The following ARHGAP10 variants were observed in gnomAD, a reference collection of about 807,000 sequenced individuals.
ARHGAP10 encodes rho GTPase-activating protein 10.
A neutral mutation model predicts 108.6 loss-of-function variants in ARHGAP10; 87 were observed. That is an observed-to-expected ratio of 0.80 (90% CI 0.67 to 0.96). The LOEUF is 0.96. Among genes scored for constraint, ARHGAP10 ranks in the 40% least tolerant of loss-of-function variants. The pLI, the probability that ARHGAP10 is intolerant of heterozygous loss-of-function variation, is 0.00. For synonymous variants in ARHGAP10, 347 were observed against 341.1 expected (o/e 1.02, Z -0.19); for missense variants, 939 against 954.5 (o/e 0.98, Z 0.21).
At chr4:148,004,205 A>T (rs141693276) in intron 18 of ARHGAP10, among the ~76,000 whole-genome samples, 246 of 152,310 alleles carry the variant, frequency 1.6e-3, no homozygotes, top group African/African-American at 5.4e-3. Context: ...TAAAAAATTG[A>T]CTTAAGCTTT....
At chr4:147,840,912 A>G (rs924103101) in intron 3 of ARHGAP10, among the ~76,000 whole-genome samples, 1 of 152,206 alleles carries the variant, frequency 6.6e-6, no homozygotes, top group Non-Finnish European at 1.5e-5. Context: ...TAAGCGTAAG[A>G]GCATTGTTTT....
At chr4:147,987,229 A>T (rs1740078951) in intron 18 of ARHGAP10, among the ~76,000 whole-genome samples, 1 of 152,236 alleles carries the variant, frequency 6.6e-6, no homozygotes, top group South Asian at 2.1e-4. Flanking sequence ...CATTGTAATT[A>T]AGAATGATAA....
At chr4:147,865,215 A>C in intron 6 of ARHGAP10, 2 of 332,442 alleles carry the variant, frequency 6.0e-6, no homozygotes, top group Non-Finnish European at 5.5e-6. Flanking sequence ...ACCATGTGCA[A>C]TTTCTGCCAC....
chr4:147,739,060 G>C (rs1243153747), intron 1 of ARHGAP10, among the ~76,000 whole-genome samples: 1 of 151,538 alleles, frequency 6.6e-6, no homozygotes, highest in African/African-American at 2.4e-5. Flanking sequence ...GGTGGCAGGC[G>C]CCTGTAATCC....
intron 18 of ARHGAP10, among the ~76,000 whole-genome samples, chr4:147,975,558 C>A (rs1739561227): frequency 6.6e-6 from 1 of 152,322 alleles, no homozygotes; most frequent in South Asian, 2.1e-4. Context: ...TGCATCATCT[C>A]ATGGCAGAAG....
At chr4:147,828,558 G>T (rs370073589) in intron 3 of ARHGAP10, among the ~76,000 whole-genome samples, 1 of 152,226 alleles carries the variant, frequency 6.6e-6, no homozygotes, top group South Asian at 2.1e-4. Flanking sequence ...AACATGCTTC[G>T]TGGTAATCAA....
Position 147,792,606 on chromosome 4 carries a change from C to G in ARHGAP10, c.155-30121C>G, listed in dbSNP as rs372589776. On this transcript the variant is annotated intron_variant, in intron 1 of 22. Coordinates refer to ENST00000336498, the MANE Select transcript of ARHGAP10 (RefSeq NM_024605.4). The stretch of plus-strand genomic sequence containing the variant: ...TCCCTCTTTATATATGCTACCTGAG[C>G]TTTATTATTCCTTATCTAGTTCTCT... Among the ~76,000 whole-genome samples, 7 of 152,164 alleles carry G rather than the reference C, an allele frequency of 4.6e-5. No individual in the cohort carries two copies. The East Asian group carries it at 7.7e-4, about 17-fold the overall frequency.
intron 19 of ARHGAP10, among the ~76,000 whole-genome samples, chr4:148,024,104 GAGCTGTGCA>G (rs1282362492): frequency 6.6e-6 from 1 of 152,218 alleles, no homozygotes; most frequent in African/African-American, 2.4e-5. Flanking sequence ...ACAAGACTGG[GAGCTGTGCA>G]CACGCCTCCC....
chr4:147,904,896 G>T (rs1325850788), intron 10 of ARHGAP10, among the ~76,000 whole-genome samples: 1 of 152,118 alleles, frequency 6.6e-6, no homozygotes, highest in Non-Finnish European at 1.5e-5. Context: ...AGCATCTGTT[G>T]TTTCCTGACT....
chr4:147,886,630 C>T (rs902824847), intron 10 of ARHGAP10, among the ~76,000 whole-genome samples: 1 of 152,200 alleles, frequency 6.6e-6, no homozygotes. Flanking sequence ...TTTGCACAAT[C>T]CCAACTTAAG....
At chr4:147,859,588 G>C (rs960723312) in intron 5 of ARHGAP10, among the ~76,000 whole-genome samples, 1 of 152,078 alleles carries the variant, frequency 6.6e-6, no homozygotes, top group African/African-American at 2.4e-5. Flanking sequence ...TTTTTTCATA[G>C]TCTTAAAACT....
At chr4:148,011,955 A>G (rs554222020) in intron 18 of ARHGAP10, among the ~76,000 whole-genome samples, 1 of 152,194 alleles carries the variant, frequency 6.6e-6, no homozygotes, top group Non-Finnish European at 1.5e-5. Flanking sequence ...AGAATAACAG[A>G]TAGTGCTGGG....
chr4:148,001,478 G>A (rs565817125), intron 18 of ARHGAP10, among the ~76,000 whole-genome samples: 3 of 152,128 alleles, frequency 2.0e-5, no homozygotes, highest in Non-Finnish European at 4.4e-5. Context: ...GATGGGGATG[G>A]CATTGAATCT....
At chr4:147,895,307 G>A (rs560668979) in intron 10 of ARHGAP10, among the ~76,000 whole-genome samples, 2 of 152,022 alleles carry the variant, frequency 1.3e-5, no homozygotes, top group South Asian at 4.1e-4. Flanking sequence ...ATTGCTAAGT[G>A]CACTTATTCT....
At chr4:148,015,484 A>G (rs1343539961) in intron 18 of ARHGAP10, among the ~76,000 whole-genome samples, 1 of 152,218 alleles carries the variant, frequency 6.6e-6, no homozygotes, top group African/African-American at 2.4e-5. Context: ...AACCAGAACA[A>G]ACGTGAAACT....
At chr4:147,996,873 A>C (rs1463424006) in intron 18 of ARHGAP10, among the ~76,000 whole-genome samples, 1 of 152,146 alleles carries the variant, frequency 6.6e-6, no homozygotes, top group Non-Finnish European at 1.5e-5. Flanking sequence ...GAACAGGGAG[A>C]AGCAGCCATC....
At chr4:147,879,643 C>G (rs1214570310) in intron 9 of ARHGAP10, among the ~76,000 whole-genome samples, 1 of 151,954 alleles carries the variant, frequency 6.6e-6, no homozygotes, top group South Asian at 2.1e-4. Flanking sequence ...TTGCTGCACC[C>G]ATCAACCCAT....
chr4:147,837,012 C>T (rs887255201), intron 3 of ARHGAP10, among the ~76,000 whole-genome samples: 5 of 152,118 alleles, frequency 3.3e-5, no homozygotes, highest in Admixed American at 2.6e-4. Flanking sequence ...GGAGGGCCCT[C>T]GTAGCGAAAT....
intron 12 of ARHGAP10, among the ~76,000 whole-genome samples, chr4:147,912,138 T>C (rs1736769780): frequency 6.6e-6 from 1 of 152,038 alleles, no homozygotes; most frequent in African/African-American, 2.4e-5. Context: ...CACTTTCTTT[T>C]TGACTTTTAA....
Sources: allele counts gnomAD v4.1 joint callset (sites outside exome capture counted in the v4.1 genomes callset), GRCh38; gene constraint gnomAD v4.1.1; transcripts MANE v1.5; gene names NCBI Gene and HGNC (gene_info 2026-07-23, HGNC 2026-07-21).